Variants in RAD54B observed in about 807,000 individuals in gnomAD.
The protein encoded by RAD54B is DNA repair and recombination protein RAD54B.
Under a neutral mutation model 95.8 loss-of-function variants are expected in RAD54B, and 78 were observed. The observed-to-expected ratio is 0.81, with a 90% CI of 0.68 to 0.98. RAD54B has a LOEUF of 0.98. RAD54B is among the 50% of genes least tolerant of loss of function. RAD54B has a pLI of 0.00. For synonymous variants in RAD54B, 328 were observed against 354.9 expected (o/e 0.92, Z 0.85); for missense variants, 957 against 1,056.6 (o/e 0.91, Z 1.31).
rs1811689251 is a variant in RAD54B, at chr8:94,417,007, TAAAC to T, written c.305-5696_305-5693del. Among the ~76,000 whole-genome samples, 6 of 152,290 alleles carry T rather than the reference TAAAC, an allele frequency of 3.9e-5. 1 individual carries two copies. In the South Asian group the frequency reaches 1.2e-3, roughly 32 times the overall value. On this transcript the variant is annotated intron_variant, in intron 3 of 14. Coordinates refer to ENST00000336148, the MANE Select transcript of RAD54B (RefSeq NM_012415.3). ...AAATGTGCATTCAACTGACAAAGGA[TAAAC>T]AAAATGTGGCATATGCATACAATGG...
Position 94,428,083 on chromosome 8 carries a change from A to C in RAD54B, c.305-16768T>G, listed in dbSNP as rs907476286. Reference sequence around the variant, plus strand: ...TAAATCACAGCTAGTTTAGAAAATCATAAGTTGTAACAACATATCCATTAC... The same window carrying C: ...TAAATCACAGCTAGTTTAGAAAATCCTAAGTTGTAACAACATATCCATTAC... On this transcript the variant is annotated intron_variant, in intron 3 of 14. Coordinates refer to ENST00000336148, the MANE Select transcript of RAD54B (RefSeq NM_012415.3). The C allele has an allele frequency of 2.2e-5, 21 of 951,094 alleles. No homozygotes were observed. The African/African-American group carries it at 2.8e-4, about 13-fold the overall frequency. 58.9% of individuals were successfully genotyped at this position (951,094 alleles called of 1,614,324 possible). A position where few individuals can be genotyped will look rare whatever the true frequency, so the allele number is the denominator to read the frequency against.
intron 3 of RAD54B, among the ~76,000 whole-genome samples, chr8:94,420,251 ATTT>A (rs57897762): frequency 0.014 from 1,690 of 116,966 alleles, 38 homozygotes; most frequent in African/African-American, 0.051. Context: ...AGAAAACTTG[ATTT>A]TTTTTTTTTT....
chr8:94,452,630 TGGGAATACA>T (rs1204067537), intron 3 of RAD54B, among the ~76,000 whole-genome samples: 4 of 152,152 alleles, frequency 2.6e-5, no homozygotes, highest in Non-Finnish European at 5.9e-5. Flanking sequence ...CCAGAGTAGC[TGGGAATACA>T]GGCACCCACC....
intron 3 of RAD54B, among the ~76,000 whole-genome samples, chr8:94,421,939 C>CATGAGT (rs1811815698): frequency 3.3e-5 from 5 of 152,098 alleles, no homozygotes; most frequent in Admixed American, 2.0e-4. Flanking sequence ...ATAAAGTATC[C>CATGAGT]CTCTTGCTTA....
intron 3 of RAD54B, among the ~76,000 whole-genome samples, chr8:94,422,953 A>C (rs1044862105): frequency 1.3e-5 from 2 of 151,302 alleles, no homozygotes; most frequent in Non-Finnish European, 2.9e-5. Context: ...AATTTTAAAA[A>C]TGGGACTAAT....
chr8:94,372,450 T>C (rs2129931227), intron 14 of RAD54B, 63 bp from the exon 15 acceptor site: 1 of 1,568,120 alleles, frequency 6.4e-7, no homozygotes, highest in Non-Finnish European at 8.6e-7. Flanking sequence ...AATACAATAC[T>C]TTTTTGTTTT....
chr8:94,372,470 A>C, intron 14 of RAD54B, 83 bp from the exon 15 acceptor site: 2 of 1,534,116 alleles, frequency 1.3e-6, no homozygotes, highest in Non-Finnish European at 1.7e-6. Context: ...TATGATAATT[A>C]GTTTATGTGA....
At chr8:94,428,549 T>C (rs1806366372) in intron 3 of RAD54B, 1 of 257,160 alleles carries the variant, frequency 3.9e-6, no homozygotes, top group Non-Finnish European at 6.1e-6. Context: ...AAATAGTTGT[T>C]AGGATACAGG....
intron 8 of RAD54B, among the ~76,000 whole-genome samples, chr8:94,395,378 A>G (rs997346989): frequency 6.6e-6 from 1 of 152,204 alleles, no homozygotes; most frequent in Non-Finnish European, 1.5e-5. Context: ...GCTAAATTAC[A>G]GGGAGCTCTA....
At chr8:94,459,210 T>C (rs960787136) in intron 2 of RAD54B, among the ~76,000 whole-genome samples, 17 of 152,102 alleles carry the variant, frequency 1.1e-4, no homozygotes, top group Admixed American at 6.5e-4. Flanking sequence ...AAGAGTGCAG[T>C]GTCACGACCA....
intron 2 of RAD54B, among the ~76,000 whole-genome samples, chr8:94,463,889 A>G (rs1332757388): frequency 1.0e-4 from 11 of 108,788 alleles, no homozygotes; most frequent in African/African-American, 3.8e-4. Context: ...TCAAGACCCT[A>G]TCTCAAAAAA....
intron 5 of RAD54B, 134 bp from the exon 6 acceptor site, chr8:94,404,373 A>G (rs1344130580): frequency 2.7e-6 from 2 of 729,286 alleles, no homozygotes; most frequent in African/African-American, 3.7e-5. Flanking sequence ...TAGTCACAGT[A>G]ATGTTACCCA....
intron 2 of RAD54B, 83 bp from the exon 3 acceptor site, chr8:94,458,519 T>C: frequency 1.9e-6 from 2 of 1,069,096 alleles, no homozygotes; most frequent in South Asian, 1.9e-5. Flanking sequence ...AAGATTCTAA[T>C]TTAAAACAGG....
chr8:94,430,080 G>A (rs1000210868), intron 3 of RAD54B: 98 of 908,384 alleles, frequency 1.1e-4, no homozygotes, highest in Non-Finnish European at 1.2e-4. Context: ...TTGGGAGGCC[G>A]AGGCGGGCAG....
intron 12 of RAD54B, 49 bp downstream of exon 12, chr8:94,380,096 G>GT: frequency 6.6e-7 from 1 of 1,525,668 alleles, no homozygotes. Context: ...AATAGGCATT[G>GT]TATCCTCAGG....
At chr8:94,449,754 T>C (rs1471593742) in intron 3 of RAD54B, among the ~76,000 whole-genome samples, 2 of 152,104 alleles carry the variant, frequency 1.3e-5, no homozygotes, top group Non-Finnish European at 2.9e-5. Context: ...AGAGAGTCAA[T>C]ATTCAAATGA....
chr8:94,400,339 T>G lies in RAD54B; in HGVS notation c.1069A>C (p.Lys357Gln). 2 of 1,613,898 alleles carry G rather than the reference T, an allele frequency of 1.2e-6. No homozygotes were observed. Among genetic ancestry groups the G allele is most frequent in the Non-Finnish European group, 1.7e-6 (2 of 1,179,902 alleles). The change falls in exon 7 of 15, where the codon AAG (lysine) becomes CAG (glutamine). Residue 357 changes from lysine to glutamine, a missense_variant. By Grantham distance (53) the Lys-to-Gln change is moderately conservative. Transcript: ENST00000336148. ...GPYGGKPVIKKTLIVTPGSLV... is the reference protein window; with the variant it reads ...GPYGGKPVIKQTLIVTPGSLV... ...CTTCCAGGTGTGACAATTAGTGTCT[T>G]CTTTATTACTGGCTTGCCTCCATAG... is the stretch of plus-strand genomic sequence containing the variant.
At chr8:94,431,371 G>A (rs1812088949) in intron 3 of RAD54B, 1 of 984,430 alleles carries the variant, frequency 1.0e-6, no homozygotes, top group Non-Finnish European at 1.2e-6. Flanking sequence ...AGAGAGAATG[G>A]GGGTAATTGA....
chr8:94,397,405 T>C (rs1180457725), intron 8 of RAD54B, among the ~76,000 whole-genome samples: 1 of 152,082 alleles, frequency 6.6e-6, no homozygotes, highest in Admixed American at 6.6e-5. Flanking sequence ...CCTAAATTCA[T>C]AGCTCAGGGG....
Sources: gnomAD v4.1 joint callset for allele counts (sites outside exome capture counted in the v4.1 genomes callset) on GRCh38, gnomAD v4.1.1 for gene constraint, MANE v1.5 for transcripts, NCBI Gene and HGNC (gene_info 2026-07-23, HGNC 2026-07-21) for gene names.